Variants in GSK3A observed in about 807,000 individuals in gnomAD.
GSK3A encodes glycogen synthase kinase-3 alpha.
In GSK3A, 14 loss-of-function variants were observed where a neutral mutation model predicts 56.6. The ratio of observed to expected loss-of-function variants is 0.25; its 90% CI spans 0.16 to 0.39. The LOEUF (loss-of-function observed/expected upper bound fraction) is 0.39. Ranked by LOEUF, GSK3A falls within the 10% of genes least tolerant of loss-of-function variation. The pLI is 1.00. For synonymous variants in GSK3A, 301 were observed against 285.0 expected (o/e 1.06, Z -0.56); for missense variants, 450 against 656.0 (o/e 0.69, Z 3.43).
Position 42,242,418 on chromosome 19 carries a change from C to T in GSK3A, c.48G>A (p.Arg16=). ...PSGGGPGGSG[R]ARTSSFAEPG... ...GCTCCGCGAACGAGCTAGTCCGCGC[C>T]CTGCCCGAGCCCCCAGGGCCGCCTC... is the stretch of plus-strand genomic sequence containing the variant. The change falls in exon 1 of 11, where the codon AGG becomes AGA. Residue 16 remains arginine, a synonymous_variant. Coordinates refer to ENST00000222330, the MANE Select transcript of GSK3A (RefSeq NM_019884.3). 1 of 1,352,220 alleles carries T rather than the reference C, an allele frequency of 7.4e-7. No individual in the cohort carries two copies. Among genetic ancestry groups the T allele is most frequent in the Non-Finnish European group, 9.5e-7 (1 of 1,051,668 alleles). 83.8% of individuals were successfully genotyped at this position (1,352,220 alleles called of 1,614,324 possible). A position where few individuals can be genotyped will look rare whatever the true frequency, so the allele number is the denominator to read the frequency against.
At position 42,230,214 on chromosome 19, in the gene GSK3A, CGGA is replaced by C. The variant is rs1224081241; in HGVS notation, c.*577_*579del. On this transcript the variant is annotated 3_prime_UTR_variant, in exon 11 of 11. Transcript: ENST00000222330. Reference sequence around the variant, plus strand: ...GTTTTCATGCCAATAATTTATTGAACGGAGGTCTGTACACAGGCAAACCTTACT... The same window carrying C: ...GTTTTCATGCCAATAATTTATTGAACGGTCTGTACACAGGCAAACCTTACT... The C allele has an allele frequency of 6.5e-6, 1 of 152,710 alleles. No homozygotes were observed. Among genetic ancestry groups the C allele is most frequent in the African/African-American group, 2.4e-5 (1 of 41,408 alleles). 9.5% of individuals were successfully genotyped at this position (152,710 alleles called of 1,614,324 possible). A position where few individuals can be genotyped will look rare whatever the true frequency, so the allele number is the denominator to read the frequency against.
chr19:42,239,904 C>A, intron 2 of GSK3A, 51 bp downstream of exon 2: 1 of 1,483,372 alleles, frequency 6.7e-7, no homozygotes. Context: ...GGTTCTCCCA[C>A]CAGTCACACC....
At position 42,230,670 on chromosome 19, in the gene GSK3A, C is replaced by G; in HGVS notation, c.*124G>C. 1.4e-6 allele frequency: 1 copy of G among 713,428 alleles called. No individual in the cohort carries two copies. Among genetic ancestry groups the G allele is most frequent in the South Asian group, 1.6e-5 (1 of 64,382 alleles). The allele number at this position is 713,428 out of a possible 1,614,324, so 44.2% of individuals were successfully genotyped here. A position where few individuals can be genotyped will look rare whatever the true frequency, so the allele number is the denominator to read the frequency against. ...GAGGGACTGGAGGTGGGGACAGGGA[C>G]TCATTTACCTCTGCCCTCTAGTCTA... On this transcript the variant is annotated 3_prime_UTR_variant, in exon 11 of 11. Transcript: ENST00000222330.
In GSK3A at chr19:42,232,158, A is replaced by G. The variant is rs1158029032; in HGVS notation, c.1286-9T>C. Reference sequence around the variant, plus strand: ...CGGTTGGATGGAGAGTTCTAGAAACAGGAATTGACATGCTAGTCAGGGTAG... The same window carrying G: ...CGGTTGGATGGAGAGTTCTAGAAACGGGAATTGACATGCTAGTCAGGGTAG... On this transcript the variant is annotated splice_polypyrimidine_tract_variant and intron_variant, in intron 9 of 10. Transcript: ENST00000222330. 4 of 1,515,724 alleles carry G rather than the reference A, an allele frequency of 2.6e-6. No individual in the cohort carries two copies. In the South Asian group the frequency reaches 3.4e-5, roughly 13 times the overall value. The allele number at this position is 1,515,724 out of a possible 1,614,324, so 93.9% of individuals were successfully genotyped here. A position where few individuals can be genotyped will look rare whatever the true frequency, so the allele number is the denominator to read the frequency against.
intron 4 of GSK3A, 134 bp downstream of exon 4, chr19:42,236,472 G>A: frequency 1.5e-6 from 1 of 682,862 alleles, no homozygotes; most frequent in Non-Finnish European, 2.7e-6. Flanking sequence ...GGGGTTATGG[G>A]AACAACAGCA....
chr19:42,230,765 TG>T lies in GSK3A; in HGVS notation c.*28del. ...CCCAGCCCCTCTTGGGGCTCCCAGATGGAAGTGGAAGGGTGCTTGGTGGGGC... is the reference window on the plus strand; with the variant it reads ...CCCAGCCCCTCTTGGGGCTCCCAGATGAAGTGGAAGGGTGCTTGGTGGGGC... On this transcript the variant is annotated 3_prime_UTR_variant, in exon 11 of 11. Transcript: ENST00000222330. 6.6e-7 allele frequency: 1 copy of T among 1,508,372 alleles called. No homozygotes were observed. The highest frequency in any genetic ancestry group is 9.0e-7 in the Non-Finnish European group (1 of 1,106,938). The allele number at this position is 1,508,372 out of a possible 1,614,324, so 93.4% of individuals were successfully genotyped here.
chr19:42,234,792 C>T lies in GSK3A; in HGVS notation c.667-114G>A. ...AGGCCCACTCTCCCTGCTGCCCCCA[C>T]AGCTTTGGGGAAACCCATTTGAAAC... On this transcript the variant is annotated intron_variant, in intron 4 of 10. Coordinates refer to ENST00000222330, the MANE Select transcript of GSK3A (RefSeq NM_019884.3). This position sits in a 1 kb window ranked among gnomAD's most constrained non-coding sequence, Gnocchi z 5.7. The T allele has an allele frequency of 8.8e-7, 1 of 1,131,704 alleles. No homozygotes were observed. Among genetic ancestry groups the T allele is most frequent in the South Asian group, 1.7e-5 (1 of 59,320 alleles). The allele number at this position is 1,131,704 out of a possible 1,614,324, so 70.1% of individuals were successfully genotyped here. A position where few individuals can be genotyped will look rare whatever the true frequency, so the allele number is the denominator to read the frequency against.
intron 7 of GSK3A, 40 bp downstream of exon 7, chr19:42,233,246 C>A: frequency 6.3e-7 from 1 of 1,585,676 alleles, no homozygotes; most frequent in South Asian, 1.1e-5. Flanking sequence ...GGCCCCATCC[C>A]TCAGCCCCAC....
intron 2 of GSK3A, among the ~76,000 whole-genome samples, chr19:42,239,363 C>T (rs1450407229): frequency 1.3e-5 from 2 of 152,200 alleles, no homozygotes; most frequent in African/African-American, 4.8e-5. Flanking sequence ...GCTCCAAATG[C>T]CAGGCCCTTA....
rs757751932 is a variant in GSK3A, at chr19:42,230,875, G to C, written c.1379-8C>G. 1 of 1,553,744 alleles carries C rather than the reference G, an allele frequency of 6.4e-7. No individual in the cohort carries two copies. The highest frequency in any genetic ancestry group is 8.7e-7 in the Non-Finnish European group (1 of 1,146,902). On this transcript the variant is annotated splice_polypyrimidine_tract_variant and splice_region_variant and intron_variant, in intron 10 of 10. Coordinates refer to ENST00000222330, the MANE Select transcript of GSK3A (RefSeq NM_019884.3). ...TCGGAGTCTCAGTTAAAGCTGGAGGGAGGCAGGGAAGGAGCAGAGTTAGCC... is the reference window on the plus strand; with the variant it reads ...TCGGAGTCTCAGTTAAAGCTGGAGGCAGGCAGGGAAGGAGCAGAGTTAGCC...
chr19:42,232,219 C>A lies in GSK3A; in HGVS notation c.1286-70G>T, dbSNP rs563302623. Reference sequence around the variant, plus strand: ...GGTTATGATGGGCACCAAATGGGAACCCAGCTATTGGGAAGGCCAGTTGTT... The same window carrying A: ...GGTTATGATGGGCACCAAATGGGAAACCAGCTATTGGGAAGGCCAGTTGTT... On this transcript the variant is annotated intron_variant, in intron 9 of 10. Coordinates refer to ENST00000222330, the MANE Select transcript of GSK3A (RefSeq NM_019884.3). The A allele has an allele frequency of 2.5e-5, 24 of 965,988 alleles. No homozygotes were observed. The African/African-American group carries it at 3.7e-4, about 15-fold the overall frequency. The allele number at this position is 965,988 out of a possible 1,614,324, so 59.8% of individuals were successfully genotyped here.
intron 10 of GSK3A, 113 bp downstream of exon 10, chr19:42,231,944 T>C: frequency 1.6e-6 from 1 of 621,580 alleles, no homozygotes; most frequent in Non-Finnish European, 2.9e-6. Context: ...TCCTATGCCA[T>C]CAAAATGTCG....
At chr19:42,236,584 A>G in intron 4 of GSK3A, 22 bp downstream of exon 4, 3 of 1,459,788 alleles carry the variant, frequency 2.1e-6, no homozygotes, top group Non-Finnish European at 2.9e-6. Context: ...CCTGGGTCCC[A>G]GCAGCCCACC....
chr19:42,238,888 G>A (rs988707881), intron 2 of GSK3A, among the ~76,000 whole-genome samples: 1 of 151,786 alleles, frequency 6.6e-6, no homozygotes, highest in Admixed American at 6.6e-5. Flanking sequence ...AGAATCGCTT[G>A]AACCTGGGAG....
intron 1 of GSK3A, 141 bp from the exon 2 acceptor site, chr19:42,240,283 T>A: frequency 1.4e-6 from 1 of 736,704 alleles, no homozygotes; most frequent in Non-Finnish European, 2.4e-6. Flanking sequence ...TGAGGAAAGG[T>A]GGATGCTGGG....
At chr19:42,236,446 G>A (rs2036257446) in intron 4 of GSK3A, among the ~76,000 whole-genome samples, 160 bp downstream of exon 4, 1 of 152,128 alleles carries the variant, frequency 6.6e-6, no homozygotes, top group African/African-American at 2.4e-5. Flanking sequence ...CCTGTGTTAG[G>A]CGAGCTCCAT....
intron 2 of GSK3A, among the ~76,000 whole-genome samples, chr19:42,239,470 G>A (rs2036278329): frequency 6.6e-6 from 1 of 152,142 alleles, no homozygotes; most frequent in Non-Finnish European, 1.5e-5. Context: ...TTCTGCGCTG[G>A]CCAAACACCT....
chr19:42,237,693 C>T (rs148978874), intron 2 of GSK3A, among the ~76,000 whole-genome samples: 9,136 of 149,450 alleles, frequency 0.061, 401 homozygotes, highest in South Asian at 0.18. Context: ...CTGGTTAACA[C>T]GGTGAAACCC....
chr19:42,242,429 C>A lies in GSK3A; in HGVS notation c.37G>T (p.Gly13Cys), dbSNP rs2036299783. 4 of 1,304,180 alleles carry A rather than the reference C, an allele frequency of 3.1e-6. No homozygotes were observed. Among genetic ancestry groups the A allele is most frequent in the Non-Finnish European group, 3.9e-6 (4 of 1,025,936 alleles). The allele number at this position is 1,304,180 out of a possible 1,614,324, so 80.8% of individuals were successfully genotyped here. Reference protein sequence around the residue: ...GGGPSGGGPGGSGRARTSSFA... With the variant: ...GGGPSGGGPGCSGRARTSSFA... ...GAGCTAGTCCGCGCCCTGCCCGAGC[C>A]CCCAGGGCCGCCTCCCGAAGGCCCG... Residue 13 changes from glycine (G) to cysteine (C), a missense_variant, in exon 1 of 11, where the codon GGC becomes TGC. Gly to Cys is a radical substitution (Grantham distance 159, BLOSUM62 -3). Around this residue, in one of 3 missense-constraint regions of GSK3A, gnomAD observed 193 missense variants for 200.5 expected, o/e 0.96. Transcript: ENST00000222330.
Sources: gnomAD v4.1 joint callset for allele counts (sites outside exome capture counted in the v4.1 genomes callset) on GRCh38, gnomAD v4.1.1 for gene constraint, gnomAD v4.1.1 regional missense constraint, Gnocchi (gnomAD v3.1) non-coding constraint, MANE v1.5 for transcripts, NCBI Gene and HGNC (gene_info 2026-07-23, HGNC 2026-07-21) for gene names.